Variants in C11orf65 observed in about 807,000 individuals in gnomAD.
C11orf65 encodes chromosome 11 open reading frame 65.
In C11orf65, 38 loss-of-function variants were observed where a neutral mutation model predicts 35.3. That is an observed-to-expected ratio of 1.08 (90% CI 0.83 to 1.41). The LOEUF (loss-of-function observed/expected upper bound fraction) is 1.41, where lower values mean the gene tolerates loss of function less well. C11orf65 is among the 40% of genes most tolerant of loss of function. The probability of loss-of-function intolerance (pLI) is 0.00; values close to 1 mark genes in which losing one functional copy is unlikely to be tolerated. For synonymous variants in C11orf65, 105 were observed against 114.4 expected (o/e 0.92, Z 0.53); for missense variants, 370 against 367.1 (o/e 1.01, Z -0.06).
chr11:108,447,091 A>C (rs975834418), intron 2 of C11orf65, among the ~76,000 whole-genome samples: 17 of 152,146 alleles, frequency 1.1e-4, no homozygotes, highest in Admixed American at 2.0e-4. Flanking sequence ...AACTATCCTA[A>C]ATATATATGC....
intron 2 of C11orf65, among the ~76,000 whole-genome samples, chr11:108,433,045 T>C (rs1168623215): frequency 6.6e-6 from 1 of 152,048 alleles, no homozygotes; most frequent in African/African-American, 2.4e-5. Context: ...TGATTTAATA[T>C]GGCCTCACCC....
chr11:108,329,280 T>C, downstream of C11orf65: 1 of 1,520,792 alleles, frequency 6.6e-7, no homozygotes, highest in Non-Finnish European at 9.1e-7. Flanking sequence ...GTTCACCAGT[T>C]AACTGAGTGA....
At chr11:108,417,160 A>G (rs1466123814) in intron 3 of C11orf65, among the ~76,000 whole-genome samples, 1 of 152,212 alleles carries the variant, frequency 6.6e-6, no homozygotes, top group Admixed American at 6.5e-5. Context: ...TTAAATCCCC[A>G]AACATCAGTA....
In C11orf65 at chr11:108,382,878, C is replaced by CTCAA. The variant is rs1014688912; in HGVS notation, c.*139_*142dup. 9 of 1,508,608 alleles carry CTCAA rather than the reference C, an allele frequency of 6.0e-6. No individual in the cohort carries two copies. In the African/African-American group the frequency reaches 1.3e-4, roughly 21 times the overall value. 93.5% of individuals were successfully genotyped at this position (1,508,608 alleles called of 1,614,324 possible). On this transcript the variant is annotated 3_prime_UTR_variant, in exon 9 of 9. Transcript: ENST00000393084. ...TATTCAGTCCAGTGTTCTATTTCTG[C>CTCAA]TCAATCTTCCTTACTTAACTGAGCT...
At chr11:108,347,031 G>A (rs1475774913) in intron 2 of C11orf65, among the ~76,000 whole-genome samples, 1 of 152,084 alleles carries the variant, frequency 6.6e-6, no homozygotes, top group Admixed American at 6.6e-5. Flanking sequence ...TAAAATGTGT[G>A]CCTATTAGTA....
intron 6 of C11orf65, among the ~76,000 whole-genome samples, chr11:108,313,666 G>A (rs745365868): frequency 2.4e-4 from 36 of 152,072 alleles, no homozygotes; most frequent in Non-Finnish European, 5.0e-4. Context: ...TATCGTGTGT[G>A]TACTAAGCAC....
intron 2 of C11orf65, among the ~76,000 whole-genome samples, chr11:108,342,081 A>AT (rs1284707291): frequency 2.1e-4 from 31 of 150,348 alleles, no homozygotes; most frequent in Admixed American, 1.8e-3. Flanking sequence ...ACATTATGAG[A>AT]TTTTTTTTGC....
chr11:108,424,276 T>C (rs1565677982), intron 3 of C11orf65, among the ~76,000 whole-genome samples: 2 of 151,956 alleles, frequency 1.3e-5, no homozygotes, highest in Admixed American at 6.6e-5. Context: ...TATCAATAGC[T>C]GAATTGATCA....
chr11:108,428,230 A>G (rs1276556945), intron 3 of C11orf65, among the ~76,000 whole-genome samples: 3 of 152,190 alleles, frequency 2.0e-5, no homozygotes, highest in Non-Finnish European at 2.9e-5. Context: ...AATTAGTTCT[A>G]CCAGTTGTGG....
At chr11:108,448,702 G>C (rs1269923045) in intron 2 of C11orf65, among the ~76,000 whole-genome samples, 1 of 152,146 alleles carries the variant, frequency 6.6e-6, no homozygotes. Context: ...AAAACTGGAA[G>C]CATTCCCTTT....
intron 3 of C11orf65, among the ~76,000 whole-genome samples, chr11:108,415,034 A>AT (rs1302243456): frequency 6.6e-6 from 1 of 152,164 alleles, no homozygotes; most frequent in African/African-American, 2.4e-5. Context: ...ACTTCCTCTA[A>AT]TTAATAATAT....
intron 3 of C11orf65, among the ~76,000 whole-genome samples, chr11:108,417,467 C>T (rs1010442750): frequency 2.6e-5 from 4 of 151,686 alleles, no homozygotes; most frequent in South Asian, 2.1e-4. Context: ...TGCTTGAACC[C>T]GGGAGGTGGA....
chr11:108,412,127 T>G (rs1307067065), intron 3 of C11orf65, among the ~76,000 whole-genome samples: 8 of 152,142 alleles, frequency 5.3e-5, no homozygotes, highest in Admixed American at 5.2e-4. Context: ...ATTGTCTTAT[T>G]GTTTTATATT....
intron 2 of C11orf65, among the ~76,000 whole-genome samples, chr11:108,359,673 A>T (rs538720046): frequency 1.3e-5 from 2 of 152,196 alleles, no homozygotes; most frequent in Admixed American, 6.5e-5. Flanking sequence ...CATGGAAACC[A>T]AACAACCTGC....
intron 3 of C11orf65, among the ~76,000 whole-genome samples, chr11:108,419,399 A>G (rs940082158): frequency 1.3e-5 from 2 of 152,224 alleles, no homozygotes; most frequent in Non-Finnish European, 2.9e-5. Context: ...CTGTTCTTGG[A>G]TTTCTAAAAA....
intron 6 of C11orf65, among the ~76,000 whole-genome samples, chr11:108,321,979 T>C (rs1389373019): frequency 1.3e-5 from 2 of 152,198 alleles, no homozygotes; most frequent in African/African-American, 4.8e-5. Flanking sequence ...CCTACCAAGA[T>C]AAAATTGTTT....
upstream of C11orf65, among the ~76,000 whole-genome samples, chr11:108,469,793 T>C (rs1299263654): frequency 6.6e-6 from 1 of 151,974 alleles, no homozygotes; most frequent in Non-Finnish European, 1.5e-5. Flanking sequence ...AAGTGTTAGG[T>C]TTATTCATTT....
chr11:108,377,504 A>G (rs1353468104), intron 2 of C11orf65, among the ~76,000 whole-genome samples: 4 of 152,296 alleles, frequency 2.6e-5, no homozygotes, highest in Non-Finnish European at 4.4e-5. Context: ...GCTATCTATG[A>G]CAGTCCCACA....
At chr11:108,327,792 C>G (rs187869262), downstream of C11orf65, 87 of 1,457,442 alleles carry the variant, frequency 6.0e-5, no homozygotes, top group Admixed American at 1.3e-4. Flanking sequence ...AAGATAGTTA[C>G]TTAGCATGAA....
Sources: allele counts gnomAD v4.1 joint callset (sites outside exome capture counted in the v4.1 genomes callset), GRCh38; gene constraint gnomAD v4.1.1; transcripts MANE v1.5; gene names NCBI Gene and HGNC (gene_info 2026-07-23, HGNC 2026-07-21).